Variants in ERBB4 observed in about 807,000 individuals in gnomAD.
The protein encoded by ERBB4 is receptor tyrosine-protein kinase erbB-4.
Under a neutral mutation model 158.0 loss-of-function variants are expected in ERBB4, and 42 were observed. The observed-to-expected ratio is 0.27, with a 90% CI of 0.21 to 0.34. ERBB4 has a LOEUF of 0.34. Among genes scored for constraint, ERBB4 ranks in the 10% least tolerant of loss-of-function variants. The probability of loss-of-function intolerance (pLI) is 1.00; values close to 1 mark genes in which losing one functional copy is unlikely to be tolerated. For missense variants in ERBB4, 1,333 were observed against 1,624.1 expected (o/e 0.82, Z 3.08); for synonymous variants, 583 against 558.7 (o/e 1.04, Z -0.61).
At chr2:212,480,304 T>C (rs932044042) in intron 1 of ERBB4, among the ~76,000 whole-genome samples, 2 of 152,094 alleles carry the variant, frequency 1.3e-5, no homozygotes, top group Non-Finnish European at 1.5e-5. Flanking sequence ...AGAAACAGTA[T>C]GTAAAAAGCT....
intron 20 of ERBB4, among the ~76,000 whole-genome samples, chr2:211,518,136 A>G (rs2066087117): frequency 6.6e-6 from 1 of 152,040 alleles, no homozygotes; most frequent in Non-Finnish European, 1.5e-5. Flanking sequence ...TAAGGACGTG[A>G]GGTCTGGAAT....
chr2:211,722,276 A>G, intron 7 of ERBB4, 117 bp downstream of exon 7: 1 of 830,160 alleles, frequency 1.2e-6, no homozygotes, highest in Non-Finnish European at 2.0e-6. Context: ...AATAGTATCT[A>G]TACCCAAAGT....
At chr2:212,343,529 C>T (rs752456790) in intron 1 of ERBB4, among the ~76,000 whole-genome samples, 38 of 152,020 alleles carry the variant, frequency 2.5e-4, no homozygotes, top group African/African-American at 1.7e-4. Flanking sequence ...AAATTTATAA[C>T]GGGATTTACT....
chr2:212,375,076 A>G (rs1172846096), intron 1 of ERBB4, among the ~76,000 whole-genome samples: 1 of 152,000 alleles, frequency 6.6e-6, no homozygotes, highest in Admixed American at 6.6e-5. Flanking sequence ...ATATGAATCA[A>G]TTATTAACTT....
At chr2:211,648,435 T>C (rs578199539) in intron 16 of ERBB4, among the ~76,000 whole-genome samples, 2 of 151,914 alleles carry the variant, frequency 1.3e-5, no homozygotes, top group Admixed American at 6.6e-5. Flanking sequence ...TTTTATGATA[T>C]TAGGAATTAC....
rs545667753 is a variant in ERBB4, at chr2:212,156,974, G to C, written c.83-32071C>G. Reference sequence around the variant, plus strand: ...AACTGGTCTCCTGTGCTTAAACCCTGTTTGTCTCCAAACTTTTCTCCATAT... The same window carrying C: ...AACTGGTCTCCTGTGCTTAAACCCTCTTTGTCTCCAAACTTTTCTCCATAT... On this transcript the variant is annotated intron_variant, in intron 1 of 27. Transcript: ENST00000342788. 1.6e-4 allele frequency among the ~76,000 whole-genome samples: 25 copies of C among 152,140 alleles called. No individual in the cohort carries two copies. The South Asian group carries it at 2.3e-3, about 14-fold the overall frequency.
chr2:211,649,957 C>G (rs537863784), intron 16 of ERBB4, among the ~76,000 whole-genome samples: 1 of 151,902 alleles, frequency 6.6e-6, no homozygotes, highest in East Asian at 1.9e-4. Flanking sequence ...ATACATAGTA[C>G]AGAAGAATAA....
chr2:211,968,212 C>T (rs1294317936), intron 2 of ERBB4, among the ~76,000 whole-genome samples: 1 of 151,910 alleles, frequency 6.6e-6, no homozygotes, highest in Non-Finnish European at 1.5e-5. Context: ...CTTTAGGCAT[C>T]ATTGGTTTTT....
chr2:212,475,464 C>T (rs1351600760), intron 1 of ERBB4, among the ~76,000 whole-genome samples: 1 of 152,126 alleles, frequency 6.6e-6, no homozygotes, highest in African/African-American at 2.4e-5. Flanking sequence ...GAGAATGTTC[C>T]ATTTGCTGAT....
chr2:212,403,510 A>C (rs944390977), intron 1 of ERBB4, among the ~76,000 whole-genome samples: 1 of 152,098 alleles, frequency 6.6e-6, no homozygotes, highest in African/African-American at 2.4e-5. Flanking sequence ...TACGTTGCCA[A>C]GTAAAATGTG....
intron 19 of ERBB4, among the ~76,000 whole-genome samples, chr2:211,571,498 T>C (rs2067729002): frequency 6.6e-6 from 1 of 152,204 alleles, no homozygotes; most frequent in Admixed American, 6.5e-5. Context: ...ATGAGAATTA[T>C]GTTATGCCCA....
At chr2:212,018,596 G>A (rs185044484) in intron 2 of ERBB4, among the ~76,000 whole-genome samples, 175 of 152,116 alleles carry the variant, frequency 1.2e-3, no homozygotes, top group African/African-American at 2.1e-3. Flanking sequence ...AGTTATATAC[G>A]CTTAAATACT....
chr2:212,220,292 A>G (rs2083252844), intron 1 of ERBB4, among the ~76,000 whole-genome samples: 1 of 151,448 alleles, frequency 6.6e-6, no homozygotes, highest in Non-Finnish European at 1.5e-5. Flanking sequence ...TTTGCTACAA[A>G]TTACTTAATG....
At chr2:211,741,738 C>T (rs2074806489) in intron 5 of ERBB4, among the ~76,000 whole-genome samples, 1 of 152,092 alleles carries the variant, frequency 6.6e-6, no homozygotes, top group Admixed American at 6.6e-5. Context: ...AGTAATAGCT[C>T]CTGAATCCCA....
At position 212,399,545 on chromosome 2, in the gene ERBB4, C is replaced by CATATATATATATATATATAT. The variant is rs869111881; in HGVS notation, c.82+138884_82+138903dup. ...TCCCCTGATATATATTTTATATATA[C>CATATATATATATATATATAT]ATATATATATATATATATATATATA... is the stretch of plus-strand genomic sequence containing the variant. On this transcript the variant is annotated intron_variant, in intron 1 of 27. Transcript: ENST00000342788. 2.6e-4 allele frequency among the ~76,000 whole-genome samples: 10 copies of CATATATATATATATATATAT among 38,078 alleles called. 1 individual carries two copies. The highest frequency in any genetic ancestry group is 3.5e-4 in the Non-Finnish European group (7 of 20,238). 25.0% of individuals were successfully genotyped at this position (38,078 alleles called of 152,430 possible).
chr2:211,582,755 T>C (rs1456035876), intron 19 of ERBB4, among the ~76,000 whole-genome samples: 1 of 152,142 alleles, frequency 6.6e-6, no homozygotes, highest in African/African-American at 2.4e-5. Context: ...TGTCTATACA[T>C]TAAAATTCAC....
intron 1 of ERBB4, among the ~76,000 whole-genome samples, chr2:212,415,451 T>C (rs2091624520): frequency 6.6e-6 from 1 of 152,184 alleles, no homozygotes; most frequent in South Asian, 2.1e-4. Flanking sequence ...TGGCATGCTG[T>C]ATACCTGTAT....
Position 212,234,281 on chromosome 2 carries a change from T to C in ERBB4, c.83-109378A>G, listed in dbSNP as rs552765707. On this transcript the variant is annotated intron_variant, in intron 1 of 27. Transcript: ENST00000342788. ...GTTTGCTGAGAATGATGGTTTCCAG[T>C]ATCATCCATGTCCCTGCAAAGGACA... 7.2e-5 allele frequency among the ~76,000 whole-genome samples: 11 copies of C among 152,186 alleles called. No homozygotes were observed. In the East Asian group the frequency reaches 2.1e-3, roughly 29 times the overall value.
At chr2:211,780,427 G>T (rs2076006252) in intron 4 of ERBB4, among the ~76,000 whole-genome samples, 1 of 152,134 alleles carries the variant, frequency 6.6e-6, no homozygotes, top group Non-Finnish European at 1.5e-5. Context: ...TACTCAAAAA[G>T]TGAAACAATA....
Sources: gnomAD v4.1 joint callset for allele counts (sites outside exome capture counted in the v4.1 genomes callset) on GRCh38, gnomAD v4.1.1 for gene constraint, MANE v1.5 for transcripts, NCBI Gene and HGNC (gene_info 2026-07-23, HGNC 2026-07-21) for gene names.